The following NELL2 variants were observed in gnomAD, a reference collection of about 807,000 sequenced individuals.
NELL2 encodes neural EGFL like 2, also known as protein kinase C-binding protein NELL2.
A neutral mutation model predicts 109.6 loss-of-function variants in NELL2; 41 were observed. That is an observed-to-expected ratio of 0.37 (90% CI 0.29 to 0.49). The LOEUF is 0.49. NELL2 is among the 20% of genes least tolerant of loss of function. The probability of loss-of-function intolerance (pLI) is 0.98; values close to 1 mark genes in which losing one functional copy is unlikely to be tolerated. For synonymous variants in NELL2, 355 were observed against 344.7 expected, an observed-to-expected ratio of 1.03 and a Z score of -0.33; for missense variants, 900 against 1,008.3, an observed-to-expected ratio of 0.89 and a Z score of 1.45.
At chr12:44,668,448 C>T (rs943006839) in intron 12 of NELL2, among the ~76,000 whole-genome samples, 4 of 152,080 alleles carry the variant, frequency 2.6e-5, no homozygotes, top group African/African-American at 9.7e-5. Context: ...CATCAGCACC[C>T]AAATGCTTTA....
In NELL2 at chr12:44,522,150, C is replaced by T; in HGVS notation, c.2025G>A (p.Met675Ile). The T allele has an allele frequency of 1.9e-6, 3 of 1,613,888 alleles. No homozygotes were observed. In the South Asian group the frequency reaches 3.3e-5, roughly 18 times the overall value. The change falls in exon 18 of 20, where the codon ATG becomes ATA. Residue 675 changes from methionine to isoleucine, a missense_variant. Met to Ile is a conservative substitution (Grantham distance 10). Around this residue, in one of 4 missense-constraint regions of NELL2, gnomAD observed 333 missense variants for 432.3 expected, o/e 0.77. Transcript: ENST00000429094. Reference sequence around the variant, plus strand: ...CTGTGGGATTCTCACAGTCACAGACCATCCGTCGACACATAACGAATCCAT... The same window carrying T: ...CTGTGGGATTCTCACAGTCACAGACTATCCGTCGACACATAACGAATCCAT... ...CQNGFVMCRRMVCDCENPTVD... is the reference protein window; with the variant it reads ...CQNGFVMCRRIVCDCENPTVD...
chr12:44,918,517 ATGTGTGTGTGTGTGTGTGTGTG>A (rs10589306), upstream of NELL2, among the ~76,000 whole-genome samples: 124 of 123,886 alleles, frequency 1.0e-3, no homozygotes, highest in Non-Finnish European at 1.2e-3. Context: ...GCATGCATGT[ATGTGTGTGTGTGTGTGTGTGTG>A]TGTGTGTGTG....
At chr12:44,908,513 G>T (rs2136889215) in intron 1 of NELL2, among the ~76,000 whole-genome samples, 1 of 152,040 alleles carries the variant, frequency 6.6e-6, no homozygotes, top group Admixed American at 6.6e-5. Flanking sequence ...TGAACATAGG[G>T]ATGAGTGAGG....
chr12:44,858,593 T>C (rs928214098), intron 2 of NELL2, among the ~76,000 whole-genome samples: 14 of 152,208 alleles, frequency 9.2e-5, no homozygotes, highest in Admixed American at 6.5e-4. Flanking sequence ...CAAGAATCAA[T>C]ATCCAAGTCT....
chr12:44,602,694 A>G (rs1945263342), intron 15 of NELL2, among the ~76,000 whole-genome samples: 1 of 152,092 alleles, frequency 6.6e-6, no homozygotes, highest in African/African-American at 2.4e-5. Context: ...GCCATGTCCC[A>G]ACTGTTCTGA....
intron 3 of NELL2, among the ~76,000 whole-genome samples, chr12:44,808,232 G>T (rs1943068313): frequency 6.6e-6 from 1 of 152,022 alleles, no homozygotes; most frequent in African/African-American, 2.4e-5. Flanking sequence ...TGTGAAACGG[G>T]GGATGTGTGC....
chr12:44,670,906 A>G (rs1317633252), intron 12 of NELL2, among the ~76,000 whole-genome samples: 1 of 152,208 alleles, frequency 6.6e-6, no homozygotes, highest in Non-Finnish European at 1.5e-5. Flanking sequence ...CAGAAAATCA[A>G]CAAAGAAAGA....
In NELL2 at chr12:44,842,716, A is replaced by T. The variant is rs550648001; in HGVS notation, c.185-26580T>A. ...CACTGGAACTTCAGAATGTGACCTT[A>T]TTTGCAATTAACAAGATGAGATCAT... On this transcript the variant is annotated intron_variant, in intron 2 of 19. Transcript: ENST00000429094. Among the ~76,000 whole-genome samples the T allele has an allele frequency of 2.0e-5, 3 of 152,250 alleles. No individual in the cohort carries two copies. The East Asian group carries it at 5.8e-4, about 29-fold the overall frequency.
At chr12:44,884,932 T>A (rs1307712597) in intron 1 of NELL2, among the ~76,000 whole-genome samples, 1 of 151,994 alleles carries the variant, frequency 6.6e-6, no homozygotes, top group African/African-American at 2.4e-5. Flanking sequence ...ATACATCTAA[T>A]GAGGCAACAT....
At chr12:44,894,899 G>A (rs1339769047) in intron 1 of NELL2, among the ~76,000 whole-genome samples, 2 of 152,166 alleles carry the variant, frequency 1.3e-5, no homozygotes, top group African/African-American at 4.8e-5. Flanking sequence ...GGATAAAACT[G>A]ATTTCTTATC....
At chr12:44,551,449 TA>T (rs1273101519) in intron 15 of NELL2, among the ~76,000 whole-genome samples, 3 of 152,248 alleles carry the variant, frequency 2.0e-5, no homozygotes, top group Admixed American at 2.0e-4. Context: ...GATACATGAG[TA>T]AAGAAAGTTC....
intron 13 of NELL2, among the ~76,000 whole-genome samples, chr12:44,639,913 T>A (rs1232249718): frequency 6.6e-6 from 1 of 152,146 alleles, no homozygotes; most frequent in Non-Finnish European, 1.5e-5. Flanking sequence ...CCATGCCACC[T>A]TCCCCAATTC....
chr12:44,874,546 C>T (rs1428452153), intron 2 of NELL2, among the ~76,000 whole-genome samples: 1 of 152,154 alleles, frequency 6.6e-6, no homozygotes, highest in Non-Finnish European at 1.5e-5. Context: ...AGCCAATATC[C>T]ATTGACTTCA....
chr12:44,587,852 G>A (rs17094818), intron 15 of NELL2, among the ~76,000 whole-genome samples: 4,286 of 152,130 alleles, frequency 0.028, 87 homozygotes, highest in Middle Eastern at 0.12. Context: ...TGAAAATTAC[G>A]TTATAAAAGT....
At chr12:44,777,605 A>T (rs1363988176) in intron 5 of NELL2, among the ~76,000 whole-genome samples, 1 of 152,236 alleles carries the variant, frequency 6.6e-6, no homozygotes, top group Non-Finnish European at 1.5e-5. Context: ...AGTTATTTTT[A>T]GTTAGCCACT....
chr12:44,726,056 T>C (rs138179148), intron 9 of NELL2, among the ~76,000 whole-genome samples: 2 of 152,240 alleles, frequency 1.3e-5, no homozygotes, highest in East Asian at 3.9e-4. Context: ...AGAAATATTA[T>C]TAAAACTTTT....
At chr12:44,875,117 G>C in intron 2 of NELL2, 108 bp downstream of exon 2, 1 of 1,429,026 alleles carries the variant, frequency 7.0e-7, no homozygotes. Flanking sequence ...CTCAGCTAAA[G>C]TACTGTCATC....
intron 2 of NELL2, among the ~76,000 whole-genome samples, chr12:44,866,290 A>G (rs1202566274): frequency 6.6e-6 from 1 of 152,218 alleles, no homozygotes; most frequent in Admixed American, 6.5e-5. Flanking sequence ...GAAACTAGAA[A>G]TCAGTAACAG....
rs181058966 is a variant in NELL2 at position 44,718,296 on chromosome 12, C to G, written c.995-3555G>C. 4.9e-3 allele frequency among the ~76,000 whole-genome samples: 751 copies of G among 152,284 alleles called. 11 individuals carry two copies. The highest frequency in any genetic ancestry group is 4.8e-3 in the Non-Finnish European group (327 of 68,028). ...AGATAACAATAATCGCTGGCTACCA[C>G]AATGGCTACAGGACCGTCCCTGGAA... On this transcript the variant is annotated intron_variant, in intron 9 of 19. Transcript: ENST00000429094.
Sources: allele counts gnomAD v4.1 joint callset (sites outside exome capture counted in the v4.1 genomes callset), GRCh38; gene constraint gnomAD v4.1.1; regional missense constraint gnomAD v4.1.1; transcripts MANE v1.5; gene names NCBI Gene and HGNC (gene_info 2026-07-23, HGNC 2026-07-21).